The following INSL6 variants were observed in gnomAD, a reference collection of about 807,000 sequenced individuals.
INSL6 encodes the protein insulin-like peptide INSL6.
In INSL6, 16 loss-of-function variants were observed where a neutral mutation model predicts 9.4. The ratio of observed to expected loss-of-function variants is 1.70; its 90% CI spans 1.15 to 2.59. The LOEUF is 2.59. INSL6 is among the 30% of genes most tolerant of loss of function. INSL6 has a pLI of 0.00. For synonymous variants in INSL6, 154 were observed against 96.9 expected (o/e 1.59, Z -3.46); for missense variants, 391 against 257.3 (o/e 1.52, Z -3.56).
the INSL6 span, chr9:5,086,239 G>A: frequency 6.9e-6 from 4 of 582,796 alleles, no homozygotes; most frequent in African/African-American, 4.0e-5. Flanking sequence ...TCTGAAAGTC[G>A]CGGTAGGATG....
At chr9:5,168,740 A>G (rs1825114076) in intron 1 of INSL6, among the ~76,000 whole-genome samples, 3 of 152,176 alleles carry the variant, frequency 2.0e-5, no homozygotes. Flanking sequence ...AACCCCAATA[A>G]GATACTTCAT....
the INSL6 span, among the ~76,000 whole-genome samples, chr9:5,013,129 ACCTCTTTTC>A: frequency 2.0e-5 from 3 of 152,228 alleles, no homozygotes; most frequent in Non-Finnish European, 2.9e-5. Context: ...GCTTGTTAAG[ACCTCTTTTC>A]TGTTTGTATT....
chr9:5,148,629 G>A (rs1824648942), intron 2 of INSL6, among the ~76,000 whole-genome samples: 1 of 152,174 alleles, frequency 6.6e-6, no homozygotes, highest in Non-Finnish European at 1.5e-5. Flanking sequence ...GCAAGCCTGT[G>A]CAACTCATCT....
the INSL6 span, among the ~76,000 whole-genome samples, chr9:5,056,346 G>C: frequency 2.6e-5 from 4 of 151,988 alleles, no homozygotes; most frequent in African/African-American, 9.6e-5. Flanking sequence ...TTTATACTTT[G>C]CTCTTAAGTT....
chr9:5,006,049 A>T, the INSL6 span, among the ~76,000 whole-genome samples: 2 of 152,208 alleles, frequency 1.3e-5, no homozygotes, highest in Admixed American at 6.5e-5. Context: ...TGGTAGCTTG[A>T]TGGGGATGGC....
chr9:5,061,109 G>GCT, the INSL6 span, among the ~76,000 whole-genome samples: 1 of 152,218 alleles, frequency 6.6e-6, no homozygotes, highest in African/African-American at 2.4e-5. Flanking sequence ...CAATAGATGT[G>GCT]CTGTCATCCA....
At chr9:5,115,135 G>A in the INSL6 span, among the ~76,000 whole-genome samples, 5 of 152,086 alleles carry the variant, frequency 3.3e-5, no homozygotes, top group Non-Finnish European at 5.9e-5. Context: ...GCTACCTACA[G>A]AATGGGAAAA....
At chr9:5,043,479 G>A in the INSL6 span, among the ~76,000 whole-genome samples, 1 of 152,178 alleles carries the variant, frequency 6.6e-6, no homozygotes, top group Non-Finnish European at 1.5e-5. Flanking sequence ...GACTAATTTG[G>A]ATGCAGTATA....
chr9:5,031,005 C>T, the INSL6 span, among the ~76,000 whole-genome samples: 135 of 152,042 alleles, frequency 8.9e-4, no homozygotes, highest in Non-Finnish European at 1.8e-3. Context: ...CTACAAAAAC[C>T]CTTAACTAAC....
At chr9:5,185,292 T>A (rs1036215917) in intron 1 of INSL6, 22 bp downstream of exon 1, 1 of 1,613,816 alleles carries the variant, frequency 6.2e-7, no homozygotes, top group African/African-American at 1.3e-5. Context: ...TGAACAAACA[T>A]GCCTTCGGTT....
chr9:5,167,501 G>A (rs1048234108), intron 1 of INSL6, among the ~76,000 whole-genome samples: 5 of 152,248 alleles, frequency 3.3e-5, no homozygotes, highest in Non-Finnish European at 7.3e-5. Flanking sequence ...GGGACAGTTT[G>A]TGGCCAGACT....
the INSL6 span, among the ~76,000 whole-genome samples, chr9:5,074,069 T>TGGCA: frequency 6.6e-6 from 1 of 152,190 alleles, no homozygotes; most frequent in African/African-American, 2.4e-5. Context: ...AAAGAGATTA[T>TGGCA]GGCAGGTTCA....
chr9:5,163,725 T>C (rs1272930762), downstream of INSL6: 1 of 553,084 alleles, frequency 1.8e-6, no homozygotes, highest in African/African-American at 1.9e-5. Flanking sequence ...GTATGAAAAC[T>C]AAGGAAAACA....
the INSL6 span, among the ~76,000 whole-genome samples, chr9:5,033,036 C>A: frequency 6.6e-6 from 1 of 152,094 alleles, no homozygotes; most frequent in African/African-American, 2.4e-5. Flanking sequence ...ATAACCAATG[C>A]AGAGAAGTCC....
chr9:5,124,193 T>C (rs1823826806), exon 4 of INSL6, among the ~76,000 whole-genome samples: 1 of 151,944 alleles, frequency 6.6e-6, no homozygotes, highest in Non-Finnish European at 1.5e-5. Context: ...GATTTTGCTA[T>C]GCTGAAATTT....
At chr9:5,144,406 G>A (rs1378399016) in intron 2 of INSL6, among the ~76,000 whole-genome samples, 1 of 152,164 alleles carries the variant, frequency 6.6e-6, no homozygotes, top group East Asian at 1.9e-4. Flanking sequence ...TTGCTCAAGA[G>A]TGTTTTACTT....
At chr9:5,168,199 G>A (rs73383180) in intron 1 of INSL6, among the ~76,000 whole-genome samples, 3,521 of 152,226 alleles carry the variant, frequency 0.023, 117 homozygotes, top group African/African-American at 0.074. Context: ...ACTCCATGAA[G>A]GGCACAGAAC....
the INSL6 span, among the ~76,000 whole-genome samples, chr9:5,095,301 C>T: frequency 1.3e-5 from 2 of 152,090 alleles, no homozygotes; most frequent in African/African-American, 4.8e-5. Context: ...TACGCTCACA[C>T]TGATTTCTTA....
the INSL6 span, chr9:5,111,460 G>C: frequency 2.6e-6 from 1 of 390,006 alleles, no homozygotes; most frequent in Middle Eastern, 5.7e-4. Flanking sequence ...CATCCTCGGC[G>C]TACCTGCCCA....
Sources: gnomAD v4.1 joint callset for allele counts (sites outside exome capture counted in the v4.1 genomes callset) on GRCh38, gnomAD v4.1.1 for gene constraint, MANE v1.5 for transcripts, NCBI Gene and HGNC (gene_info 2026-07-23, HGNC 2026-07-21) for gene names.